Variants in SNTG1 observed in about 807,000 individuals in gnomAD.
SNTG1 encodes the protein gamma-1-syntrophin.
SNTG1 carries 39 observed loss-of-function variants against 74.7 expected under a neutral mutation model. That is an observed-to-expected ratio of 0.52 (90% CI 0.40 to 0.68). The LOEUF is 0.68. Ranked by LOEUF, SNTG1 falls within the 30% of genes least tolerant of loss-of-function variation. SNTG1 has a pLI of 0.00. For missense variants in SNTG1, 685 were observed against 609.5 expected, an observed-to-expected ratio of 1.12 and a Z score of -1.30; for synonymous variants, 254 against 217.1, an observed-to-expected ratio of 1.17 and a Z score of -1.49.
intron 17 of SNTG1, among the ~76,000 whole-genome samples, chr8:50,715,938 G>A (rs370217995): frequency 4.6e-5 from 7 of 152,040 alleles, no homozygotes; most frequent in East Asian, 3.9e-4. Context: ...CCTTTAAATC[G>A]ACACTGATTT....
intron 2 of SNTG1, among the ~76,000 whole-genome samples, chr8:50,270,353 A>T (rs2087715523): frequency 6.6e-6 from 1 of 152,214 alleles, no homozygotes; most frequent in Non-Finnish European, 1.5e-5. Context: ...AGATATAGAA[A>T]GAAAAAGAAA....
intron 15 of SNTG1, 39 bp downstream of exon 15, chr8:50,658,702 C>T (rs759771621): frequency 3.5e-6 from 5 of 1,436,226 alleles, no homozygotes. Context: ...ATGGCTTTTC[C>T]TCAGCAAATA....
intron 17 of SNTG1, among the ~76,000 whole-genome samples, chr8:50,749,987 A>G (rs1034310943): frequency 1.3e-5 from 2 of 152,066 alleles, no homozygotes; most frequent in African/African-American, 4.8e-5. Flanking sequence ...TATAGATAAC[A>G]TAGATAAAGT....
At chr8:50,606,849 T>A (rs1167240344) in intron 13 of SNTG1, among the ~76,000 whole-genome samples, 2 of 151,702 alleles carry the variant, frequency 1.3e-5, no homozygotes, top group Non-Finnish European at 3.0e-5. Context: ...GCCTTTTTTT[T>A]ATTTCTATCA....
intron 2 of SNTG1, among the ~76,000 whole-genome samples, chr8:50,362,450 C>T (rs2091986000): frequency 6.6e-6 from 1 of 152,000 alleles, no homozygotes; most frequent in Non-Finnish European, 1.5e-5. Flanking sequence ...TCAAAGAATA[C>T]TTCTTTAATA....
At chr8:50,265,486 G>A (rs1586893848) in intron 2 of SNTG1, among the ~76,000 whole-genome samples, 1 of 151,800 alleles carries the variant, frequency 6.6e-6, no homozygotes, top group Non-Finnish European at 1.5e-5. Context: ...CCTTATAAAG[G>A]GCATCTATAA....
chr8:50,110,795 G>T (rs1222852973), intron 1 of SNTG1, among the ~76,000 whole-genome samples: 1 of 151,834 alleles, frequency 6.6e-6, no homozygotes, highest in Non-Finnish European at 1.5e-5. Flanking sequence ...AATGAATGTG[G>T]TCATGTTCCA....
intron 1 of SNTG1, among the ~76,000 whole-genome samples, chr8:50,072,397 T>C (rs910344093): frequency 6.6e-6 from 1 of 152,188 alleles, no homozygotes; most frequent in Non-Finnish European, 1.5e-5. Flanking sequence ...TGAATATGAG[T>C]TATTCTTTAG....
intron 2 of SNTG1, among the ~76,000 whole-genome samples, chr8:50,355,512 T>C (rs1392903477): frequency 6.6e-6 from 1 of 152,196 alleles, no homozygotes; most frequent in African/African-American, 2.4e-5. Context: ...CATGCTTTAC[T>C]ATAGAAAGGA....
chr8:50,624,127 G>A (rs1206258746), intron 13 of SNTG1, among the ~76,000 whole-genome samples: 1 of 151,916 alleles, frequency 6.6e-6, no homozygotes, highest in Non-Finnish European at 1.5e-5. Context: ...TTGAGCCAGA[G>A]ATGATTTTCT....
chr8:50,768,955 T>C (rs1046547742), intron 18 of SNTG1, among the ~76,000 whole-genome samples: 5 of 152,032 alleles, frequency 3.3e-5, no homozygotes, highest in Non-Finnish European at 7.4e-5. Context: ...CAGGAATGTG[T>C]GGTGAAGAAG....
At chr8:49,944,155 A>G (rs930367276) in intron 1 of SNTG1, among the ~76,000 whole-genome samples, 1 of 152,132 alleles carries the variant, frequency 6.6e-6, no homozygotes, top group Non-Finnish European at 1.5e-5. Context: ...GGATCCAAGT[A>G]CCAAGTCTTT....
intron 18 of SNTG1, among the ~76,000 whole-genome samples, chr8:50,760,747 C>G (rs1173217656): frequency 6.6e-6 from 1 of 151,954 alleles, no homozygotes; most frequent in Non-Finnish European, 1.5e-5. Flanking sequence ...ATAAACACCT[C>G]TATGCAAATA....
At chr8:50,074,370 G>T (rs986854082) in intron 1 of SNTG1, among the ~76,000 whole-genome samples, 31 of 152,116 alleles carry the variant, frequency 2.0e-4, no homozygotes, top group Admixed American at 1.5e-3. Flanking sequence ...AAGAGTTGTG[G>T]CTGGTTTGAT....
Position 50,313,939 on chromosome 8 carries a change from G to A in SNTG1, c.-27-80273G>A, listed in dbSNP as rs756339135. 2.8e-4 allele frequency among the ~76,000 whole-genome samples: 42 copies of A among 149,658 alleles called. 1 individual carries two copies. Among genetic ancestry groups the A allele is most frequent in the Non-Finnish European group, 6.2e-4 (42 of 67,924 alleles). On this transcript the variant is annotated intron_variant, in intron 2 of 18. Coordinates refer to ENST00000642720, the MANE Select transcript of SNTG1 (RefSeq NM_018967.5). Reference sequence around the variant, plus strand: ...GATTGTTTTTCTACATAACTAGCTTGGCATTATCATGCTTTAAAAAATTAT... The same window carrying A: ...GATTGTTTTTCTACATAACTAGCTTAGCATTATCATGCTTTAAAAAATTAT...
chr8:50,023,738 C>T (rs530697955), intron 1 of SNTG1, among the ~76,000 whole-genome samples: 1 of 152,204 alleles, frequency 6.6e-6, no homozygotes, highest in South Asian at 2.1e-4. Context: ...ATGCAGTTTC[C>T]CTTTTTTCCA....
chr8:50,734,654 C>T (rs2095521200), intron 17 of SNTG1, among the ~76,000 whole-genome samples: 1 of 148,704 alleles, frequency 6.7e-6, no homozygotes, highest in South Asian at 2.1e-4. Context: ...TTCTCTGTCT[C>T]TCTCTCTCTG....
At chr8:50,757,231 TG>T (rs2095582756) in intron 18 of SNTG1, among the ~76,000 whole-genome samples, 1 of 151,794 alleles carries the variant, frequency 6.6e-6, no homozygotes, top group Admixed American at 6.6e-5. Context: ...TTCTTTAGCC[TG>T]TTGATTTGAT....
At chr8:49,967,037 A>C (rs529927227) in intron 1 of SNTG1, among the ~76,000 whole-genome samples, 3 of 152,308 alleles carry the variant, frequency 2.0e-5, no homozygotes, top group East Asian at 1.9e-4. Flanking sequence ...AGAGCACTCT[A>C]TTAGAAAAAA....
Sources: allele counts gnomAD v4.1 joint callset (sites outside exome capture counted in the v4.1 genomes callset), GRCh38; gene constraint gnomAD v4.1.1; transcripts MANE v1.5; gene names NCBI Gene and HGNC (gene_info 2026-07-23, HGNC 2026-07-21).